PMEPA1: variants seen among roughly 807,000 people sequenced by gnomAD.
The protein encoded by PMEPA1 is prostate transmembrane protein, androgen induced 1.
Under a neutral mutation model 23.0 loss-of-function variants are expected in PMEPA1, and 11 were observed. The observed-to-expected ratio is 0.48, with a 90% CI of 0.30 to 0.79. PMEPA1 has a LOEUF of 0.79. Ranked by LOEUF, PMEPA1 falls within the 30% of genes least tolerant of loss-of-function variation. PMEPA1 has a pLI of 0.06. For missense variants in PMEPA1, 377 were observed against 390.9 expected, an observed-to-expected ratio of 0.96 and a Z score of 0.30; for synonymous variants, 204 against 166.4, an observed-to-expected ratio of 1.23 and a Z score of -1.74.
intron 1 of PMEPA1, among the ~76,000 whole-genome samples, chr20:57,675,255 G>A (rs999848705): frequency 1.3e-5 from 2 of 152,040 alleles, no homozygotes; most frequent in African/African-American, 4.8e-5. Flanking sequence ...TGTGATATCT[G>A]TTCTCACTAG....
chr20:57,675,273 A>AGT (rs1330163201), intron 1 of PMEPA1, among the ~76,000 whole-genome samples: 1 of 151,996 alleles, frequency 6.6e-6, no homozygotes, highest in African/African-American at 2.4e-5. Context: ...TAGTCACAAG[A>AGT]GTGGACAACA....
chr20:57,698,946 C>T (rs1359308986), intron 1 of PMEPA1, among the ~76,000 whole-genome samples: 1 of 152,210 alleles, frequency 6.6e-6, no homozygotes, highest in Admixed American at 6.5e-5. Context: ...CTGACCACAA[C>T]CAAACTCTCA....
chr20:57,710,008 G>A lies in PMEPA1; in HGVS notation c.-426C>T. On this transcript the variant is annotated 5_prime_UTR_variant, in exon 1 of 4. Coordinates refer to ENST00000341744, the MANE Select transcript of PMEPA1 (RefSeq NM_020182.5). ...AGACCGCGGTCGGAGGCAGGCAGAC[G>A]GTCTGACGTCAGCGCTAGACGGGGC... 1.0e-6 allele frequency: 1 copy of A among 993,162 alleles called. No individual in the cohort carries two copies. The highest frequency in any genetic ancestry group is 1.2e-6 in the Non-Finnish European group (1 of 835,182). 61.5% of individuals were successfully genotyped at this position (993,162 alleles called of 1,614,324 possible).
intron 1 of PMEPA1, among the ~76,000 whole-genome samples, chr20:57,697,719 G>A (rs1371024611): frequency 6.6e-6 from 1 of 152,212 alleles, no homozygotes; most frequent in Non-Finnish European, 1.5e-5. Flanking sequence ...CTTGCAGGCA[G>A]AGCCTAGATT....
chr20:57,706,599 C>T (rs1178795413), intron 1 of PMEPA1, among the ~76,000 whole-genome samples: 5 of 152,154 alleles, frequency 3.3e-5, no homozygotes, highest in African/African-American at 9.7e-5. Context: ...CATTCAGCAT[C>T]CTGAGAGCAG....
At position 57,651,585 on chromosome 20, in the gene PMEPA1, G is replaced by T. The variant is rs2071228875; in HGVS notation, c.*468C>A. 1 of 150,308 alleles carries T rather than the reference G, an allele frequency of 6.7e-6. No homozygotes were observed. 9.3% of individuals were successfully genotyped at this position (150,308 alleles called of 1,614,324 possible). ...CAGAAAACAACTTTTTTTTTTAATA[G>T]GCCTCTTCTAATACAAAAATACTCC... On this transcript the variant is annotated 3_prime_UTR_variant, in exon 4 of 4. Coordinates refer to ENST00000341744, the MANE Select transcript of PMEPA1 (RefSeq NM_020182.5).
intron 1 of PMEPA1, among the ~76,000 whole-genome samples, chr20:57,668,732 C>G (rs2071527427): frequency 6.6e-6 from 1 of 152,248 alleles, no homozygotes; most frequent in African/African-American, 2.4e-5. Context: ...CTGGGCTCCT[C>G]CCCCATGTGC....
At chr20:57,661,720 G>A (rs1462295238) in intron 1 of PMEPA1, among the ~76,000 whole-genome samples, 3 of 152,134 alleles carry the variant, frequency 2.0e-5, no homozygotes, top group East Asian at 3.8e-4. Context: ...CTCCAAACCC[G>A]GGGGGCCCAG....
In PMEPA1 at chr20:57,670,009, G is replaced by A. The variant is rs569956253; in HGVS notation, c.110-10312C>T. 8.4e-4 allele frequency among the ~76,000 whole-genome samples: 128 copies of A among 152,244 alleles called. 1 individual carries two copies. The highest frequency in any genetic ancestry group is 2.6e-3 in the African/African-American group (110 of 41,526). On this transcript the variant is annotated intron_variant, in intron 1 of 3. Transcript: ENST00000341744. ...ACAAGGGCTGCTGCGGGAGGGGCTC[G>A]GAATTAGGGTGGGAAGGCCGGACAG...
At chr20:57,659,143 C>A (rs1303196542) in intron 2 of PMEPA1, among the ~76,000 whole-genome samples, 1 of 151,194 alleles carries the variant, frequency 6.6e-6, no homozygotes, top group African/African-American at 2.5e-5. Flanking sequence ...GTGGTCGCAT[C>A]TCCTGCATGG....
chr20:57,652,749 C>T lies in PMEPA1; in HGVS notation c.319-151G>A. On this transcript the variant is annotated intron_variant, in intron 3 of 3. Coordinates refer to ENST00000341744, the MANE Select transcript of PMEPA1 (RefSeq NM_020182.5). This position sits in a 1 kb window ranked among gnomAD's most constrained non-coding sequence, Gnocchi z 6.1. Reference sequence around the variant, plus strand: ...GCTGGCGGGGGCGGGAGCCCAGAGCCTGATCCCGCGGGGGCCCTGGCCTGG... The same window carrying T: ...GCTGGCGGGGGCGGGAGCCCAGAGCTTGATCCCGCGGGGGCCCTGGCCTGG... 1.3e-6 allele frequency: 1 copy of T among 770,336 alleles called. No individual in the cohort carries two copies. The highest frequency in any genetic ancestry group is 3.9e-4 in the Middle Eastern group (1 of 2,576). The allele number at this position is 770,336 out of a possible 1,614,324, so 47.7% of individuals were successfully genotyped here.
At chr20:57,695,853 G>A (rs994870083) in intron 1 of PMEPA1, among the ~76,000 whole-genome samples, 10 of 152,144 alleles carry the variant, frequency 6.6e-5, no homozygotes, top group Admixed American at 2.6e-4. Context: ...CAGATGGCCC[G>A]GCCCCATCCC....
At chr20:57,678,679 T>C (rs1353605523) in intron 1 of PMEPA1, among the ~76,000 whole-genome samples, 2 of 152,196 alleles carry the variant, frequency 1.3e-5, no homozygotes. Flanking sequence ...AAGATTAAAT[T>C]CTAAACACGT....
At chr20:57,710,735 C>T (rs1302449418), upstream of PMEPA1, 1 of 458,600 alleles carries the variant, frequency 2.2e-6, no homozygotes, top group Non-Finnish European at 3.8e-6. Context: ...CTGCGGAGTT[C>T]AAAAGGGGTA....
rs1231353780 is a variant in PMEPA1 at position 57,650,435 on chromosome 20, T to C, written c.*1618A>G. 1.3e-5 allele frequency: 2 copies of C among 152,208 alleles called. No homozygotes were observed. Among genetic ancestry groups the C allele is most frequent in the Non-Finnish European group, 2.9e-5 (2 of 68,044 alleles). The allele number at this position is 152,208 out of a possible 1,614,324, so 9.4% of individuals were successfully genotyped here. ...GTGGGTCCCAAAGCCCCACCCCTCA[T>C]GCTCTCCTCTGGTCACCTCTATTTA... On this transcript the variant is annotated 3_prime_UTR_variant, in exon 4 of 4. Coordinates refer to ENST00000341744, the MANE Select transcript of PMEPA1 (RefSeq NM_020182.5).
chr20:57,655,184 G>C lies in PMEPA1; in HGVS notation c.265-2098C>G, dbSNP rs571477446. ...ACACAGACTCTCACGTCTTGCCTTT[G>C]GATCTGAGCCCATCCTGGGTCTGGA... On this transcript the variant is annotated intron_variant, in intron 2 of 3. Transcript: ENST00000341744. The surrounding 1 kb of genome is among the most constrained non-coding windows in gnomAD (Gnocchi z 4.2). 6.6e-6 allele frequency among the ~76,000 whole-genome samples: 1 copy of C among 152,286 alleles called. No individual in the cohort carries two copies. Among genetic ancestry groups the C allele is most frequent in the South Asian group, 2.1e-4 (1 of 4,828 alleles).
At chr20:57,670,751 C>T (rs2071556613) in intron 1 of PMEPA1, among the ~76,000 whole-genome samples, 1 of 152,230 alleles carries the variant, frequency 6.6e-6, no homozygotes, top group Admixed American at 6.5e-5. Context: ...GTGTGCTTCT[C>T]TTTTCACTGG....
chr20:57,695,718 G>A (rs772740759), intron 1 of PMEPA1, among the ~76,000 whole-genome samples: 13 of 152,206 alleles, frequency 8.5e-5, no homozygotes, highest in Non-Finnish European at 1.6e-4. Flanking sequence ...GCTGAAAAGT[G>A]GCCTGAGTTT....
At chr20:57,660,413 C>A (rs1385304639) in intron 1 of PMEPA1, among the ~76,000 whole-genome samples, 2 of 150,380 alleles carry the variant, frequency 1.3e-5, no homozygotes, top group African/African-American at 5.0e-5. Context: ...ACACACCCAA[C>A]ACTCCTACAC....
Sources: gnomAD v4.1 joint callset for allele counts (sites outside exome capture counted in the v4.1 genomes callset) on GRCh38, gnomAD v4.1.1 for gene constraint, Gnocchi (gnomAD v3.1) non-coding constraint, MANE v1.5 for transcripts, NCBI Gene and HGNC (gene_info 2026-07-23, HGNC 2026-07-21) for gene names.